Variants in TMEM108 observed in about 807,000 individuals in gnomAD.
TMEM108 encodes the protein transmembrane protein 108.
A neutral mutation model predicts 35.1 loss-of-function variants in TMEM108; 12 were observed. That is an observed-to-expected ratio of 0.34 (90% CI 0.22 to 0.55). The LOEUF is 0.55. Among genes scored for constraint, TMEM108 ranks in the 20% least tolerant of loss-of-function variants. The pLI is 0.89. For missense variants in TMEM108, 680 were observed against 753.3 expected (o/e 0.90, Z 1.14); for synonymous variants, 287 against 308.6 (o/e 0.93, Z 0.73).
chr3:133,130,522 C>A (rs1384710753), intron 2 of TMEM108, among the ~76,000 whole-genome samples: 1 of 152,198 alleles, frequency 6.6e-6, no homozygotes, highest in African/African-American at 2.4e-5. Context: ...GGTAGACAGA[C>A]TTCTGTACCA....
At chr3:133,257,055 A>G (rs1363520791) in intron 3 of TMEM108, 2 of 152,228 alleles carry the variant, frequency 1.3e-5, no homozygotes, top group East Asian at 3.8e-4. Flanking sequence ...CTGCAAGGAC[A>G]CTGCCTTCCT....
chr3:133,332,264 T>G (rs2107728557), intron 3 of TMEM108, among the ~76,000 whole-genome samples: 1 of 152,316 alleles, frequency 6.6e-6, no homozygotes, highest in Non-Finnish European at 1.5e-5. Flanking sequence ...GATGGCTCCC[T>G]GTAGCTCCCA....
intron 3 of TMEM108, among the ~76,000 whole-genome samples, chr3:133,338,600 ACAT>A (rs1186728359): frequency 6.6e-6 from 1 of 152,132 alleles, no homozygotes; most frequent in African/African-American, 2.4e-5. Context: ...GAACAATAAG[ACAT>A]CATCTGAAGG....
intron 2 of TMEM108, among the ~76,000 whole-genome samples, chr3:133,135,847 C>T (rs562603757): frequency 6.6e-6 from 1 of 152,130 alleles, no homozygotes; most frequent in South Asian, 2.1e-4. Flanking sequence ...AAGGAGTGCT[C>T]TTGTTTGGGA....
intron 2 of TMEM108, among the ~76,000 whole-genome samples, chr3:133,190,293 A>C (rs973585183): frequency 6.6e-6 from 1 of 152,196 alleles, no homozygotes. Context: ...TAATATGGCA[A>C]TCCTGATTTT....
chr3:133,131,294 G>A (rs1460726653), intron 2 of TMEM108, among the ~76,000 whole-genome samples: 9 of 151,820 alleles, frequency 5.9e-5, no homozygotes, highest in Non-Finnish European at 8.8e-5. Context: ...CTTAGTACAC[G>A]CACACCTTAT....
At chr3:133,386,697 G>T in intron 4 of TMEM108, 1 of 1,389,288 alleles carries the variant, frequency 7.2e-7, no homozygotes, top group Non-Finnish European at 9.3e-7. Context: ...AAATGGGAAA[G>T]GGAACAGTTA....
intron 3 of TMEM108, among the ~76,000 whole-genome samples, chr3:133,238,115 C>CTTCA (rs1384827001): frequency 2.0e-4 from 28 of 142,656 alleles, no homozygotes; most frequent in Non-Finnish European, 4.0e-4. Context: ...ATCCCTCCTC[C>CTTCA]CTCACTCACA....
At chr3:133,342,140 A>G (rs2071676281) in intron 3 of TMEM108, among the ~76,000 whole-genome samples, 1 of 151,908 alleles carries the variant, frequency 6.6e-6, no homozygotes, top group African/African-American at 2.4e-5. Flanking sequence ...CTATCTGACA[A>G]GGGATTAATA....
At chr3:133,387,381 C>T in intron 4 of TMEM108, 1 of 985,438 alleles carries the variant, frequency 1.0e-6, no homozygotes, top group Non-Finnish European at 1.2e-6. Context: ...GTTTGAGAAG[C>T]ACTGGAAACT....
intron 3 of TMEM108, among the ~76,000 whole-genome samples, chr3:133,339,587 C>G (rs774230531): frequency 2.0e-5 from 3 of 151,890 alleles, no homozygotes; most frequent in Non-Finnish European, 4.4e-5. Flanking sequence ...TTAATATGCA[C>G]TATAAACCAA....
chr3:133,356,485 A>G (rs191808982), intron 3 of TMEM108, among the ~76,000 whole-genome samples: 5 of 152,304 alleles, frequency 3.3e-5, no homozygotes, highest in Admixed American at 3.3e-4. Flanking sequence ...TAAAATTCAT[A>G]TGGAACCAAA....
chr3:133,062,261 A>G (rs993175760), intron 2 of TMEM108, among the ~76,000 whole-genome samples: 3 of 152,254 alleles, frequency 2.0e-5, no homozygotes, highest in African/African-American at 7.2e-5. Flanking sequence ...TGGATAAACA[A>G]TAGCTAGGAA....
chr3:133,041,289 T>C (rs1943272822), intron 1 of TMEM108, among the ~76,000 whole-genome samples: 1 of 152,208 alleles, frequency 6.6e-6, no homozygotes, highest in Non-Finnish European at 1.5e-5. Flanking sequence ...GCATCAGTTA[T>C]GCTTGTAATG....
chr3:133,237,495 C>G (rs981987090), intron 3 of TMEM108, among the ~76,000 whole-genome samples: 4 of 152,134 alleles, frequency 2.6e-5, no homozygotes, highest in Non-Finnish European at 4.4e-5. Flanking sequence ...AAATTAGCTG[C>G]TTGTCATCTG....
At position 133,080,563 on chromosome 3, in the gene TMEM108, C is replaced by A. The variant is rs1943796783; in HGVS notation, c.-47+34543C>A. ...GGAATCCTTCCCAGAGCTCTTTAGTCAGAATTAATGATCCTATATACCTTT... is the reference window on the plus strand; with the variant it reads ...GGAATCCTTCCCAGAGCTCTTTAGTAAGAATTAATGATCCTATATACCTTT... On this transcript the variant is annotated intron_variant, in intron 2 of 5. Transcript: ENST00000321871. Among the ~76,000 whole-genome samples the A allele has an allele frequency of 2.0e-5, 3 of 152,222 alleles. No individual in the cohort carries two copies. In the South Asian group the frequency reaches 6.2e-4, roughly 31 times the overall value.
intron 3 of TMEM108, among the ~76,000 whole-genome samples, chr3:133,293,020 A>G (rs1183613105): frequency 6.6e-6 from 1 of 152,216 alleles, no homozygotes; most frequent in Non-Finnish European, 1.5e-5. Flanking sequence ...GAAAAGAGTA[A>G]CATTCTATAA....
intron 3 of TMEM108, among the ~76,000 whole-genome samples, chr3:133,272,208 T>C (rs1946780232): frequency 6.6e-6 from 1 of 151,128 alleles, no homozygotes. Context: ...CTTAGGGTAA[T>C]GGGGCGGAGG....
intron 3 of TMEM108, among the ~76,000 whole-genome samples, chr3:133,242,007 G>C (rs1946321093): frequency 6.6e-6 from 1 of 151,994 alleles, no homozygotes; most frequent in Non-Finnish European, 1.5e-5. Flanking sequence ...TCCAAAATCA[G>C]GGTGTTGAGG....
Sources: gnomAD v4.1 joint callset for allele counts (sites outside exome capture counted in the v4.1 genomes callset) on GRCh38, gnomAD v4.1.1 for gene constraint, MANE v1.5 for transcripts, NCBI Gene and HGNC (gene_info 2026-07-23, HGNC 2026-07-21) for gene names.